The following LRBA variants were observed in gnomAD, a reference collection of about 807,000 sequenced individuals.
LRBA encodes lipopolysaccharide-responsive and beige-like anchor protein.
In LRBA, 176 loss-of-function variants were observed where a neutral mutation model predicts 330.0. The ratio of observed to expected loss-of-function variants is 0.53; its 90% confidence interval spans 0.47 to 0.60. The LOEUF (loss-of-function observed/expected upper bound fraction) is 0.60. LRBA is among the 20% of genes least tolerant of loss of function. The pLI is 0.00. For missense variants in LRBA, 3,259 were observed against 3,444.8 expected (o/e 0.95, Z 1.35); for synonymous variants, 1,230 against 1,193.0 (o/e 1.03, Z -0.64).
chr4:150,313,575 C>A (rs1731335992), intron 51 of LRBA, among the ~76,000 whole-genome samples: 1 of 151,956 alleles, frequency 6.6e-6, no homozygotes, highest in Non-Finnish European at 1.5e-5. Context: ...CTGAATCCTG[C>A]CCATGCCTGA....
intron 16 of LRBA, among the ~76,000 whole-genome samples, 179 bp from the exon 17 acceptor site, chr4:150,893,328 A>C (rs1579117153): frequency 6.6e-6 from 1 of 152,310 alleles, no homozygotes; most frequent in East Asian, 1.9e-4. Flanking sequence ...GTAACTCCAA[A>C]TATACATAAA....
At chr4:150,840,447 A>G (rs6846361) in intron 28 of LRBA, 30,494 of 152,158 alleles carry the variant, frequency 0.2, 3,823 homozygotes, top group Non-Finnish European at 0.28. Flanking sequence ...TAGGGCTGTA[A>G]TTGGTCTCAT....
chr4:150,377,640 T>C (rs1741546991), intron 47 of LRBA, among the ~76,000 whole-genome samples: 1 of 152,168 alleles, frequency 6.6e-6, no homozygotes, highest in Admixed American at 6.5e-5. Context: ...TAGGAGATCA[T>C]AGGTCAGGTT....
intron 2 of LRBA, among the ~76,000 whole-genome samples, chr4:151,011,181 T>C (rs1049750937): frequency 1.5e-4 from 22 of 150,878 alleles, no homozygotes; most frequent in Admixed American, 4.6e-4. Context: ...AGCAAGACTC[T>C]GTCTCAAAAA....
chr4:150,770,120 G>A (rs2126524295), intron 34 of LRBA, among the ~76,000 whole-genome samples: 1 of 152,310 alleles, frequency 6.6e-6, no homozygotes. Context: ...AAAGGCAGAG[G>A]AAGTGGGAGT....
chr4:150,850,404 A>AT (rs1293363907), intron 24 of LRBA, among the ~76,000 whole-genome samples: 1 of 151,988 alleles, frequency 6.6e-6, no homozygotes, highest in Non-Finnish European at 1.5e-5. Flanking sequence ...TATACCAATT[A>AT]TTTTTTAATA....
At chr4:150,740,109 A>G (rs1374316793) in intron 35 of LRBA, among the ~76,000 whole-genome samples, 2 of 152,234 alleles carry the variant, frequency 1.3e-5, no homozygotes, top group East Asian at 1.9e-4. Context: ...ACGCACACAT[A>G]AAAGAATACA....
intron 47 of LRBA, among the ~76,000 whole-genome samples, chr4:150,410,105 T>A (rs899909465): frequency 4.6e-4 from 70 of 152,212 alleles, no homozygotes; most frequent in Non-Finnish European, 6.5e-4. Context: ...TTTTTTTTTT[T>A]AAATGTTGTC....
chr4:150,399,345 C>T (rs1388666673), intron 47 of LRBA, among the ~76,000 whole-genome samples: 1 of 152,096 alleles, frequency 6.6e-6, no homozygotes, highest in East Asian at 1.9e-4. Context: ...TATTCTTGGG[C>T]AAAGTTGGTT....
intron 48 of LRBA, among the ~76,000 whole-genome samples, chr4:150,339,196 A>G (rs1379779842): frequency 6.6e-6 from 1 of 152,198 alleles, no homozygotes; most frequent in Non-Finnish European, 1.5e-5. Context: ...GAAAACTCCC[A>G]TAGCTCAGTG....
intron 40 of LRBA, among the ~76,000 whole-genome samples, chr4:150,563,388 T>C (rs1048394635): frequency 2.0e-5 from 3 of 152,194 alleles, no homozygotes; most frequent in Admixed American, 6.5e-5. Context: ...AAACTAGGTA[T>C]TGATGGAACA....
At chr4:150,632,608 A>T (rs1346467075) in intron 37 of LRBA, among the ~76,000 whole-genome samples, 2 of 152,150 alleles carry the variant, frequency 1.3e-5, no homozygotes, top group Non-Finnish European at 2.9e-5. Context: ...ACAATGAACT[A>T]CTTTCCATCC....
At chr4:150,676,777 T>C (rs1782597148) in intron 37 of LRBA, among the ~76,000 whole-genome samples, 1 of 152,202 alleles carries the variant, frequency 6.6e-6, no homozygotes, top group African/African-American at 2.4e-5. Context: ...CAAAAATTAC[T>C]ACAGAGACTT....
chr4:150,916,139 A>T (rs538131534), intron 7 of LRBA, among the ~76,000 whole-genome samples: 2 of 152,170 alleles, frequency 1.3e-5, no homozygotes, highest in Admixed American at 1.3e-4. Flanking sequence ...AAGCAAACAC[A>T]TATTAAATTT....
intron 48 of LRBA, among the ~76,000 whole-genome samples, chr4:150,337,810 G>GCC (rs1734951915): frequency 6.6e-6 from 1 of 151,920 alleles, no homozygotes; most frequent in Admixed American, 6.6e-5. Context: ...AGATTCTTGC[G>GCC]CCACCTGCTT....
chr4:150,979,683 A>C (rs1740617682), intron 2 of LRBA, among the ~76,000 whole-genome samples: 1 of 152,188 alleles, frequency 6.6e-6, no homozygotes, highest in Non-Finnish European at 1.5e-5. Flanking sequence ...TTAAACTGTC[A>C]CCAGTTTAAA....
intron 47 of LRBA, among the ~76,000 whole-genome samples, chr4:150,371,182 ATTTTTTTTTTTT>A (rs70937395): frequency 7.6e-5 from 7 of 91,898 alleles, no homozygotes; most frequent in African/African-American, 9.6e-5. Flanking sequence ...AAGCTACTAA[ATTTTTTTTTTTT>A]TTTTTTTTTT....
rs374431731 is a variant in LRBA, at chr4:150,658,970, C to T, written c.5921+24581G>A. Among the ~76,000 whole-genome samples, 3 of 83,534 alleles carry T rather than the reference C, an allele frequency of 3.6e-5. 1 individual carries two copies. The highest frequency in any genetic ancestry group is 1.0e-4 in the African/African-American group (3 of 29,960). 54.8% of individuals were successfully genotyped at this position (83,534 alleles called of 152,430 possible). Reference sequence around the variant, plus strand: ...CTAACCGCGAGTGATCCGCCAACCTCGGCCTCCCGAGGTGCCGGGATTGCA... The same window carrying T: ...CTAACCGCGAGTGATCCGCCAACCTTGGCCTCCCGAGGTGCCGGGATTGCA... On this transcript the variant is annotated intron_variant, in intron 37 of 56. Coordinates refer to ENST00000651943, the MANE Select transcript of LRBA (RefSeq NM_001364905.1).
chr4:150,856,009 G>A (rs952193367), intron 22 of LRBA, among the ~76,000 whole-genome samples: 1 of 152,132 alleles, frequency 6.6e-6, no homozygotes, highest in African/African-American at 2.4e-5. Context: ...TAGAGGTCAA[G>A]AGAACTGGAG....
Sources: gnomAD v4.1 joint callset for allele counts (sites outside exome capture counted in the v4.1 genomes callset) on GRCh38, gnomAD v4.1.1 for gene constraint, MANE v1.5 for transcripts, NCBI Gene and HGNC (gene_info 2026-07-23, HGNC 2026-07-21) for gene names.